GATAD1: variants seen among roughly 807,000 people sequenced by gnomAD.
The protein encoded by GATAD1 is GATA zinc finger domain-containing protein 1.
A neutral mutation model predicts 26.5 loss-of-function variants in GATAD1; 12 were observed. That is an observed-to-expected ratio of 0.45 (90% CI 0.29 to 0.73). The LOEUF (loss-of-function observed/expected upper bound fraction) is 0.73, where lower values mean the gene tolerates loss of function less well. Among genes scored for constraint, GATAD1 ranks in the 30% least tolerant of loss-of-function variants. The pLI is 0.10. For synonymous variants in GATAD1, 129 were observed against 133.1 expected, an observed-to-expected ratio of 0.97 and a Z score of 0.21; for missense variants, 266 against 342.1, an observed-to-expected ratio of 0.78 and a Z score of 1.75.
At chr7:92,489,779 CT>C in the GATAD1 span, 2 of 1,614,090 alleles carry the variant, frequency 1.2e-6, no homozygotes. Flanking sequence ...TCTCTTTGTT[CT>C]TGTGTAAGTT....
the GATAD1 span, chr7:92,491,331 G>A: frequency 3.0e-5 from 49 of 1,613,702 alleles, no homozygotes; most frequent in Non-Finnish European, 2.7e-5. Flanking sequence ...AAGTAGAGCC[G>A]GTACATATTG....
At chr7:92,483,868 TGAG>T in the GATAD1 span, among the ~76,000 whole-genome samples, 3 of 151,850 alleles carry the variant, frequency 2.0e-5, no homozygotes, top group East Asian at 5.8e-4. Context: ...CTCGGCCTGG[TGAG>T]GAGCAGCCTG....
At chr7:92,454,432 T>G (rs1789578033) in intron 3 of GATAD1, 70 bp from the exon 4 acceptor site, 1 of 1,180,900 alleles carries the variant, frequency 8.5e-7, no homozygotes, top group Non-Finnish European at 1.3e-6. Context: ...TGCTTACCTA[T>G]TAAGGTTCAT....
chr7:92,466,011 A>AT, the GATAD1 span, among the ~76,000 whole-genome samples: 12 of 152,210 alleles, frequency 7.9e-5, no homozygotes, highest in Admixed American at 5.2e-4. Flanking sequence ...CTCAAAAAAA[A>AT]GAAAAAAGAA....
the GATAD1 span, chr7:92,465,096 C>G: frequency 6.6e-6 from 1 of 152,142 alleles, no homozygotes; most frequent in Non-Finnish European, 1.5e-5. Flanking sequence ...CTCCCTCATT[C>G]TACAGATAGG....
chr7:92,448,180 A>G (rs995447228), intron 1 of GATAD1, among the ~76,000 whole-genome samples: 1 of 152,254 alleles, frequency 6.6e-6, no homozygotes, highest in Non-Finnish European at 1.5e-5. Context: ...CAAAGCAATA[A>G]GAACCAAGAT....
At chr7:92,479,765 T>G in the GATAD1 span, among the ~76,000 whole-genome samples, 9 of 151,774 alleles carry the variant, frequency 5.9e-5, 1 homozygote, top group Admixed American at 6.6e-5. Context: ...GAAGGAAGAT[T>G]TTGTGGTAAG....
At chr7:92,461,471 C>T (rs779441335), downstream of GATAD1, 1 of 152,106 alleles carries the variant, frequency 6.6e-6, no homozygotes, top group Admixed American at 6.5e-5. Context: ...TTTCTCTGAT[C>T]GAATTCTGGC....
intron 3 of GATAD1, among the ~76,000 whole-genome samples, chr7:92,453,599 C>T (rs1019659060): frequency 6.6e-6 from 1 of 152,180 alleles, no homozygotes; most frequent in Non-Finnish European, 1.5e-5. Context: ...AGGAGATGTA[C>T]AGTAGGTTGA....
At chr7:92,448,974 G>A in intron 2 of GATAD1, 97 bp downstream of exon 2, 1 of 1,306,460 alleles carries the variant, frequency 7.7e-7, no homozygotes. Context: ...CTCTGCCCTT[G>A]GTAGCCCTTC....
At chr7:92,452,652 C>A (rs1443952501) in intron 3 of GATAD1, among the ~76,000 whole-genome samples, 1 of 152,228 alleles carries the variant, frequency 6.6e-6, no homozygotes, top group African/African-American at 2.4e-5. Flanking sequence ...GAGGAGACTA[C>A]TCAGATCAGT....
At chr7:92,493,643 A>G in the GATAD1 span, 3 of 153,960 alleles carry the variant, frequency 1.9e-5, no homozygotes, top group Non-Finnish European at 4.3e-5. Flanking sequence ...TGTCTGAAAA[A>G]CAAAAACCCA....
At chr7:92,461,988 A>G (rs1351049341), downstream of GATAD1, among the ~76,000 whole-genome samples, 1 of 152,268 alleles carries the variant, frequency 6.6e-6, no homozygotes, top group African/African-American at 2.4e-5. Context: ...TCAGAGGCAC[A>G]GAGGGACACC....
chr7:92,474,315 T>C, the GATAD1 span, among the ~76,000 whole-genome samples: 1 of 152,198 alleles, frequency 6.6e-6, no homozygotes, highest in African/African-American at 2.4e-5. Context: ...ACTTACGCTT[T>C]AAGATTAGTT....
chr7:92,447,486 C>A lies in GATAD1; in HGVS notation c.-244C>A, dbSNP rs963953962. On this transcript the variant is annotated 5_prime_UTR_variant, in exon 1 of 5. Transcript: ENST00000287957. ...CCCCCCACCCCGGCCAGATCCCTTT[C>A]CCAGTCCTGCTTCCCAGTGCCTCGG... 6.2e-6 allele frequency: 2 copies of A among 321,462 alleles called. No homozygotes were observed. The highest frequency in any genetic ancestry group is 1.1e-5 in the Non-Finnish European group (2 of 180,290). The allele number at this position is 321,462 out of a possible 1,614,324, so 19.9% of individuals were successfully genotyped here.
the GATAD1 span, among the ~76,000 whole-genome samples, chr7:92,486,098 C>T: frequency 6.6e-6 from 1 of 152,188 alleles, no homozygotes; most frequent in East Asian, 1.9e-4. Flanking sequence ...GGGATGTGGC[C>T]TCCACAATGT....
chr7:92,449,445 G>T, intron 2 of GATAD1: 5 of 976,532 alleles, frequency 5.1e-6, no homozygotes, highest in Non-Finnish European at 6.1e-6. Flanking sequence ...GTAGTTGAAA[G>T]CATATTTTTA....
At chr7:92,492,655 T>A in the GATAD1 span, among the ~76,000 whole-genome samples, 2 of 152,238 alleles carry the variant, frequency 1.3e-5, no homozygotes, top group Non-Finnish European at 2.9e-5. Flanking sequence ...ACTCTAATTA[T>A]TTTTGTTTGT....
intron 3 of GATAD1, 93 bp from the exon 4 acceptor site, chr7:92,454,409 C>A: frequency 1.1e-6 from 1 of 909,316 alleles, no homozygotes; most frequent in Non-Finnish European, 1.8e-6. Context: ...TTTTACTGAC[C>A]ACTTTGAAAA....
Sources: gnomAD v4.1 joint callset for allele counts (sites outside exome capture counted in the v4.1 genomes callset) on GRCh38, gnomAD v4.1.1 for gene constraint, MANE v1.5 for transcripts, NCBI Gene and HGNC (gene_info 2026-07-23, HGNC 2026-07-21) for gene names.